The following JAKMIP1 variants were observed in gnomAD, a reference collection of about 807,000 sequenced individuals.
JAKMIP1 encodes janus kinase and microtubule interacting protein 1, also known as janus kinase and microtubule-interacting protein 1.
JAKMIP1 carries 33 observed loss-of-function variants against 113.0 expected under a neutral mutation model. The observed-to-expected ratio is 0.29, with a 90% CI of 0.22 to 0.39. The LOEUF is 0.39. Ranked by LOEUF, JAKMIP1 falls within the 10% of genes least tolerant of loss-of-function variation. The pLI, the probability that JAKMIP1 is intolerant of heterozygous loss-of-function variation, is 1.00. For missense variants in JAKMIP1, 813 were observed against 1,080.5 expected, an observed-to-expected ratio of 0.75 and a Z score of 3.47; for synonymous variants, 480 against 459.9, an observed-to-expected ratio of 1.04 and a Z score of -0.56.
At chr4:6,126,226 ACACGCAAACACACAC>A (rs1717561377) in intron 1 of JAKMIP1, among the ~76,000 whole-genome samples, 2 of 149,826 alleles carry the variant, frequency 1.3e-5, no homozygotes, top group Admixed American at 6.7e-5. Flanking sequence ...GGAAACACAC[ACACGCAAACACACAC>A]CATGGAGAAA....
rs1339733659 is a variant in JAKMIP1, at chr4:6,059,961, G to A, written c.1644+463C>T. Among the ~76,000 whole-genome samples the A allele has an allele frequency of 6.6e-6, 1 of 152,168 alleles. No homozygotes were observed. The highest frequency in any genetic ancestry group is 1.5e-5 in the Non-Finnish European group (1 of 68,036). ...CTAATCAAATGCAGTGGATGGGTAGGTGCAGTTGACTCTAACCTGAGCAGC... is the reference window on the plus strand; with the variant it reads ...CTAATCAAATGCAGTGGATGGGTAGATGCAGTTGACTCTAACCTGAGCAGC... On this transcript the variant is annotated intron_variant, in intron 11 of 20. Coordinates refer to ENST00000409021, the MANE Select transcript of JAKMIP1 (RefSeq NM_001099433.2). The surrounding 1 kb of genome is among the most constrained non-coding windows in gnomAD (Gnocchi z 4.8).
chr4:6,126,136 CACAA>C (rs1717529057), intron 1 of JAKMIP1, among the ~76,000 whole-genome samples: 1 of 147,496 alleles, frequency 6.8e-6, no homozygotes. Context: ...AACACACAAA[CACAA>C]ACACACACCA....
At chr4:6,131,155 T>A (rs1718453620) in intron 1 of JAKMIP1, among the ~76,000 whole-genome samples, 2 of 9,558 alleles carry the variant, frequency 2.1e-4, no homozygotes, top group African/African-American at 9.0e-4. Flanking sequence ...GAGTAAGACC[T>A]TGCCTCCAAA....
intron 18 of JAKMIP1, among the ~76,000 whole-genome samples, chr4:6,038,310 G>A (rs368223219): frequency 0.01 from 1,490 of 145,866 alleles, 4 homozygotes; most frequent in Non-Finnish European, 0.017. Flanking sequence ...CACCGAGGCA[G>A]AGGTTAACCC....
Position 6,042,003 on chromosome 4 carries a change from A to G in JAKMIP1, c.2097+156T>C, listed in dbSNP as rs911413671. 6.6e-6 allele frequency among the ~76,000 whole-genome samples: 1 copy of G among 152,202 alleles called. No homozygotes were observed. The highest frequency in any genetic ancestry group is 1.5e-5 in the Non-Finnish European group (1 of 68,040). ...ATTGAGCGAGTGAAAGAGTAAGTAA[A>G]TGGGTGACAATTACTTAGAACAACC... On this transcript the variant is annotated intron_variant, in intron 17 of 20. Transcript: ENST00000409021. The surrounding 1 kb of genome is among the most constrained non-coding windows in gnomAD (Gnocchi z 5.2).
intron 1 of JAKMIP1, among the ~76,000 whole-genome samples, chr4:6,166,366 TCGGGAGTGGCCCAGGC>T (rs376200270): frequency 4.6e-5 from 7 of 152,094 alleles, no homozygotes; most frequent in African/African-American, 1.7e-4. Flanking sequence ...CTGGCCCAGG[TCGGGAGTGGCCCAGGC>T]CACTTCCTGG....
chr4:6,065,158 T>G lies in JAKMIP1; in HGVS notation c.1303-150A>C. On this transcript the variant is annotated intron_variant, in intron 8 of 20. Transcript: ENST00000409021. This position sits in a 1 kb window ranked among gnomAD's most constrained non-coding sequence, Gnocchi z 5.1. ...AGATGCGGTTGGTGGGCTTCGTAAC[T>G]GACTGGGTGGGATAAAAGGTGGCAG... The G allele has an allele frequency of 1.0e-6, 1 of 976,416 alleles. No individual in the cohort carries two copies. 60.5% of individuals were successfully genotyped at this position (976,416 alleles called of 1,614,324 possible).
rs369149474 is a variant in JAKMIP1, at chr4:6,162,411, C to G, written c.-148+37842G>C. On this transcript the variant is annotated intron_variant, in intron 1 of 20. Coordinates refer to ENST00000409021, the MANE Select transcript of JAKMIP1 (RefSeq NM_001099433.2). The surrounding 1 kb of genome is among the most constrained non-coding windows in gnomAD (Gnocchi z 5.6). Reference sequence around the variant, plus strand: ...AACCCTGGTCTTTGCTGGTGAGGGTCCTGGGGAAGTCACCTCCAGAGGCCA... The same window carrying G: ...AACCCTGGTCTTTGCTGGTGAGGGTGCTGGGGAAGTCACCTCCAGAGGCCA... Among the ~76,000 whole-genome samples the G allele has an allele frequency of 1.3e-5, 2 of 152,288 alleles. No homozygotes were observed. The highest frequency in any genetic ancestry group is 6.5e-5 in the Admixed American group (1 of 15,304).
chr4:6,187,036 T>C lies in JAKMIP1; in HGVS notation c.-148+13217A>G, dbSNP rs183966640. Among the ~76,000 whole-genome samples the C allele has an allele frequency of 1.0e-3, 157 of 152,174 alleles. No individual in the cohort carries two copies. The highest frequency in any genetic ancestry group is 3.6e-3 in the African/African-American group (151 of 41,530). ...GTAGAGACAGAGTTTCATCATGTTA[T>C]CCAGGCTGGTCTCAAACTCCTGGGC... On this transcript the variant is annotated intron_variant, in intron 1 of 20. Transcript: ENST00000409021. The surrounding 1 kb of genome is among the most constrained non-coding windows in gnomAD (Gnocchi z 4.2).
chr4:6,089,697 G>A lies in JAKMIP1; in HGVS notation c.625-4068C>T, dbSNP rs1169258967. ...AAGCCCACTGACCCATGACTGATTT[G>A]GTGAGCTCCACTTTATTGCAAAGTT... On this transcript the variant is annotated intron_variant, in intron 3 of 20. Coordinates refer to ENST00000409021, the MANE Select transcript of JAKMIP1 (RefSeq NM_001099433.2). The surrounding 1 kb of genome is among the most constrained non-coding windows in gnomAD (Gnocchi z 5.3). Among the ~76,000 whole-genome samples the A allele has an allele frequency of 6.6e-6, 1 of 152,122 alleles. No homozygotes were observed. The highest frequency in any genetic ancestry group is 1.9e-4 in the East Asian group (1 of 5,180).
rs886626491 is a variant in JAKMIP1 at position 6,158,065 on chromosome 4, C to T, written c.-148+42188G>A. On this transcript the variant is annotated intron_variant, in intron 1 of 20. Transcript: ENST00000409021. The surrounding 1 kb of genome is among the most constrained non-coding windows in gnomAD (Gnocchi z 5.3). Reference sequence around the variant, plus strand: ...AGGTAGGGCTCAAGCTGTCGGCCAGCGCCGTCCCTCTCCCTGTGTGAGACG... The same window carrying T: ...AGGTAGGGCTCAAGCTGTCGGCCAGTGCCGTCCCTCTCCCTGTGTGAGACG... Among the ~76,000 whole-genome samples the T allele has an allele frequency of 2.8e-4, 43 of 152,272 alleles. No homozygotes were observed. The highest frequency in any genetic ancestry group is 1.0e-3 in the African/African-American group (42 of 41,562).
At chr4:6,047,709 A>G (rs1286437799) in intron 16 of JAKMIP1, among the ~76,000 whole-genome samples, 1 of 152,218 alleles carries the variant, frequency 6.6e-6, no homozygotes, top group East Asian at 1.9e-4. Flanking sequence ...TTCTATTTTA[A>G]ATGCCCTTCC....
chr4:6,041,067 CT>C lies in JAKMIP1; in HGVS notation c.2098-352del, dbSNP rs201375201. ...GCTACATCCTAGTGGCCCCTGAAGA[CT>C]GTCTTCATGGTTCCCAGATGTGGCT... On this transcript the variant is annotated intron_variant, in intron 17 of 20. Transcript: ENST00000409021. Among the ~76,000 whole-genome samples, 892 of 152,270 alleles carry C rather than the reference CT, an allele frequency of 5.9e-3. 6 individuals carry two copies. The highest frequency in any genetic ancestry group is 0.02 in the African/African-American group (823 of 41,548).
At chr4:6,118,358 C>T (rs1306914962) in intron 1 of JAKMIP1, among the ~76,000 whole-genome samples, 1 of 152,132 alleles carries the variant, frequency 6.6e-6, no homozygotes, top group Non-Finnish European at 1.5e-5. Context: ...ATTGCAGAGG[C>T]TCTGTGACCA....
Position 6,065,450 on chromosome 4 carries a change from G to A in JAKMIP1, c.1303-442C>T, listed in dbSNP as rs1717930400. ...CCAAGGAGAAGGGGGACAGGGTCCA[G>A]GGAGATGCTCAGTTCTAAGGAGAAG... On this transcript the variant is annotated intron_variant, in intron 8 of 20. Coordinates refer to ENST00000409021, the MANE Select transcript of JAKMIP1 (RefSeq NM_001099433.2). This position sits in a 1 kb window ranked among gnomAD's most constrained non-coding sequence, Gnocchi z 5.1. Among the ~76,000 whole-genome samples, 1 of 152,158 alleles carries A rather than the reference G, an allele frequency of 6.6e-6. No individual in the cohort carries two copies. Among genetic ancestry groups the A allele is most frequent in the African/African-American group, 2.4e-5 (1 of 41,378 alleles).
chr4:6,044,761 CT>C lies in JAKMIP1; in HGVS notation c.2029-2535del, dbSNP rs1714772683. On this transcript the variant is annotated intron_variant, in intron 16 of 20. Coordinates refer to ENST00000409021, the MANE Select transcript of JAKMIP1 (RefSeq NM_001099433.2). This position sits in a 1 kb window ranked among gnomAD's most constrained non-coding sequence, Gnocchi z 4.4. ...ATATAAAAAATAAATTCAACAAGAC[CT>C]TTTAGCAACGGGGAGAGAACATGAA... 6.7e-6 allele frequency among the ~76,000 whole-genome samples: 1 copy of C among 149,248 alleles called. No homozygotes were observed. Among genetic ancestry groups the C allele is most frequent in the Non-Finnish European group, 1.5e-5 (1 of 67,810 alleles).
At position 6,193,629 on chromosome 4, in the gene JAKMIP1, A is replaced by G. The variant is rs546646071; in HGVS notation, c.-148+6624T>C. On this transcript the variant is annotated intron_variant, in intron 1 of 20. Coordinates refer to ENST00000409021, the MANE Select transcript of JAKMIP1 (RefSeq NM_001099433.2). This position sits in a 1 kb window ranked among gnomAD's most constrained non-coding sequence, Gnocchi z 6.4. ...TCTGGGGCACTCGGCTGGCTCCCGC[A>G]TCGTCCCTCCTGCCTCGGGGTGCTC... Among the ~76,000 whole-genome samples the G allele has an allele frequency of 2.0e-5, 3 of 152,162 alleles. No homozygotes were observed. The highest frequency in any genetic ancestry group is 1.3e-4 in the Admixed American group (2 of 15,278).
intron 1 of JAKMIP1, among the ~76,000 whole-genome samples, chr4:6,190,805 G>A (rs188394879): frequency 2.4e-4 from 37 of 152,358 alleles, no homozygotes; most frequent in Admixed American, 2.0e-3. Context: ...AGCTCCCAGG[G>A]TGATGTGACA....
intron 5 of JAKMIP1, among the ~76,000 whole-genome samples, chr4:6,084,318 CAAAAA>C (rs34850390): frequency 1.6e-5 from 2 of 123,060 alleles, no homozygotes; most frequent in Non-Finnish European, 1.7e-5. Flanking sequence ...AACTTTATCT[CAAAAA>C]AAAAAAAAAA....
Sources: gnomAD v4.1 joint callset for allele counts (sites outside exome capture counted in the v4.1 genomes callset) on GRCh38, gnomAD v4.1.1 for gene constraint, Gnocchi (gnomAD v3.1) non-coding constraint, MANE v1.5 for transcripts, NCBI Gene and HGNC (gene_info 2026-07-23, HGNC 2026-07-21) for gene names.